The following ADGRV1 variants were observed in gnomAD, a reference collection of about 807,000 sequenced individuals.
ADGRV1 encodes adhesion G protein-coupled receptor V1.
A neutral mutation model predicts 596.2 loss-of-function variants in ADGRV1; 359 were observed. The observed-to-expected ratio is 0.60, with a 90% CI of 0.55 to 0.66. The LOEUF (loss-of-function observed/expected upper bound fraction) is 0.66. Among genes scored for constraint, ADGRV1 ranks in the 30% least tolerant of loss-of-function variants. ADGRV1 has a pLI of 0.00. For missense variants in ADGRV1, 7,274 were observed against 7,575.6 expected (o/e 0.96, Z 1.48); for synonymous variants, 2,681 against 2,679.2 (o/e 1.00, Z -0.02).
chr5:90,966,530 CAAAAAA>C (rs67304974), intron 84 of ADGRV1, among the ~76,000 whole-genome samples: 5 of 100,726 alleles, frequency 5.0e-5, no homozygotes, highest in African/African-American at 1.6e-4. Context: ...GAAACTCTGC[CAAAAAA>C]AAAAAAAAAA....
At chr5:90,798,916 G>A (rs1761047013) in intron 70 of ADGRV1, among the ~76,000 whole-genome samples, 1 of 152,136 alleles carries the variant, frequency 6.6e-6, no homozygotes, top group Non-Finnish European at 1.5e-5. Context: ...AGGTATTGAT[G>A]GAATGTATCT....
chr5:90,562,299 T>A (rs1273470205), intron 1 of ADGRV1, among the ~76,000 whole-genome samples: 3 of 152,158 alleles, frequency 2.0e-5, no homozygotes, highest in Non-Finnish European at 2.9e-5. Flanking sequence ...TCACATCGTA[T>A]GCCTAATTTT....
At chr5:90,600,326 C>G (rs617379) in intron 1 of ADGRV1, among the ~76,000 whole-genome samples, 36,653 of 152,006 alleles carry the variant, frequency 0.24, 5,316 homozygotes, top group Non-Finnish European at 0.33. Context: ...CACAACAGGC[C>G]TTGGGGTGTG....
chr5:90,727,246 C>G (rs1044907718), intron 48 of ADGRV1, among the ~76,000 whole-genome samples: 1 of 152,066 alleles, frequency 6.6e-6, no homozygotes, highest in African/African-American at 2.4e-5. Context: ...TGTCACCACA[C>G]CTGGCTGATT....
chr5:90,946,051 A>G (rs371893434), intron 83 of ADGRV1, among the ~76,000 whole-genome samples: 3 of 152,146 alleles, frequency 2.0e-5, no homozygotes, highest in South Asian at 4.1e-4. Context: ...AATACAAGGA[A>G]TATGATCAAG....
chr5:90,567,348 TG>T (rs1755769635), intron 1 of ADGRV1, among the ~76,000 whole-genome samples: 1 of 152,100 alleles, frequency 6.6e-6, no homozygotes, highest in Non-Finnish European at 1.5e-5. Context: ...GGAAGTCTTG[TG>T]TTTTATATAT....
At position 90,788,212 on chromosome 5, in the gene ADGRV1, C is replaced by T; in HGVS notation, c.13795C>T (p.His4599Tyr). The T allele has an allele frequency of 6.2e-7, 1 of 1,613,684 alleles. No homozygotes were observed. Among genetic ancestry groups the T allele is most frequent in the African/African-American group, 1.3e-5 (1 of 75,036 alleles). ...VRTIILTIYP[H>Y]EEIEVEETFI... ...AACCATAATTCTGACAATCTATCCT[C>T]ATGAAGAAATTGAAGTTGAAGAGAC... The change falls in exon 68 of 90, where the codon CAT becomes TAT. Residue 4599 changes from histidine to tyrosine, a missense_variant. Coordinates refer to ENST00000405460, the MANE Select transcript of ADGRV1 (RefSeq NM_032119.4).
rs774140860 is a variant in ADGRV1, at chr5:90,712,415, G to GA, written c.9176dup (p.Asn3059LysfsTer11). On this transcript the variant is annotated frameshift_variant, in exon 42 of 90. Coordinates refer to ENST00000405460, the MANE Select transcript of ADGRV1 (RefSeq NM_032119.4). LOFTEE classifies it high-confidence loss of function. ...ATCCTTCTCCTGGACTAGAGCTAGG[G>GA]AAAAATACAATAGGTAATTAATAAT... is the stretch of plus-strand genomic sequence containing the variant. 5 of 1,587,150 alleles carry GA rather than the reference G, an allele frequency of 3.2e-6. No individual in the cohort carries two copies. Among genetic ancestry groups the GA allele is most frequent in the Non-Finnish European group, 4.3e-6 (5 of 1,164,266 alleles).
intron 85 of ADGRV1, among the ~76,000 whole-genome samples, chr5:91,004,644 G>T (rs1040629846): frequency 1.3e-5 from 2 of 152,092 alleles, no homozygotes; most frequent in African/African-American, 4.8e-5. Context: ...ATATAGACTG[G>T]ATATAGTTGA....
intron 77 of ADGRV1, among the ~76,000 whole-genome samples, chr5:90,835,061 A>G (rs977841481): frequency 8.6e-5 from 13 of 151,018 alleles, no homozygotes; most frequent in African/African-American, 3.2e-4. Context: ...TTGCGATGTC[A>G]TGTTTTCCTG....
At chr5:91,068,125 C>T (rs1455601360) in intron 85 of ADGRV1, among the ~76,000 whole-genome samples, 5 of 151,878 alleles carry the variant, frequency 3.3e-5, no homozygotes, top group African/African-American at 4.8e-5. Flanking sequence ...GCCTTGTTTA[C>T]GTGAGAAATA....
chr5:91,034,751 A>C (rs995292672), intron 85 of ADGRV1, among the ~76,000 whole-genome samples: 1 of 152,194 alleles, frequency 6.6e-6, no homozygotes, highest in Non-Finnish European at 1.5e-5. Flanking sequence ...TAAAAGTACA[A>C]GTCAGAGTGA....
intron 50 of ADGRV1, among the ~76,000 whole-genome samples, chr5:90,743,714 T>A (rs979470482): frequency 1.3e-5 from 2 of 152,052 alleles, no homozygotes; most frequent in Non-Finnish European, 2.9e-5. Flanking sequence ...CTCGTGATCT[T>A]CCTGCCTCTG....
intron 83 of ADGRV1, among the ~76,000 whole-genome samples, chr5:90,885,354 T>C (rs1770178961): frequency 6.6e-6 from 1 of 152,192 alleles, no homozygotes; most frequent in Non-Finnish European, 1.5e-5. Context: ...CTCAGGACTT[T>C]ATAGATGAAA....
At chr5:90,785,915 G>T (rs751048167) in intron 67 of ADGRV1, among the ~76,000 whole-genome samples, 1 of 152,176 alleles carries the variant, frequency 6.6e-6, no homozygotes. Context: ...ATACCCAAAG[G>T]ATTATAAATC....
intron 87 of ADGRV1, among the ~76,000 whole-genome samples, chr5:91,129,405 G>C (rs548110618): frequency 6.6e-6 from 1 of 152,172 alleles, no homozygotes; most frequent in African/African-American, 2.4e-5. Context: ...TTTAATGATG[G>C]GTAGGGTATA....
At chr5:90,645,602 A>G (rs1767639297) in intron 15 of ADGRV1, among the ~76,000 whole-genome samples, 1 of 152,170 alleles carries the variant, frequency 6.6e-6, no homozygotes. Flanking sequence ...ACTCTGCTCT[A>G]AATGTTCAAA....
chr5:90,648,092 A>G (rs1344967855), intron 17 of ADGRV1, among the ~76,000 whole-genome samples: 4 of 152,202 alleles, frequency 2.6e-5, no homozygotes, highest in Non-Finnish European at 5.9e-5. Context: ...TTGCTTAGTC[A>G]CCCAGCGACT....
At position 90,669,590 on chromosome 5, in the gene ADGRV1, C is replaced by T. The variant is rs560910565; in HGVS notation, c.4753-2956C>T. 1.8e-3 allele frequency among the ~76,000 whole-genome samples: 277 copies of T among 152,190 alleles called. 1 individual carries two copies. Among genetic ancestry groups the T allele is most frequent in the South Asian group, 2.1e-3 (10 of 4,818 alleles). Reference sequence around the variant, plus strand: ...CTTTAAGTTTACTTGTAGAAGTGGGCATCAGAAGGATTGCAGCTTGTGTGT... The same window carrying T: ...CTTTAAGTTTACTTGTAGAAGTGGGTATCAGAAGGATTGCAGCTTGTGTGT... On this transcript the variant is annotated intron_variant, in intron 21 of 89. Coordinates refer to ENST00000405460, the MANE Select transcript of ADGRV1 (RefSeq NM_032119.4).
Sources: allele counts gnomAD v4.1 joint callset (sites outside exome capture counted in the v4.1 genomes callset), GRCh38; gene constraint gnomAD v4.1.1; transcripts MANE v1.5; gene names NCBI Gene and HGNC (gene_info 2026-07-23, HGNC 2026-07-21).